The following PTPRA variants were observed in gnomAD, a reference collection of about 807,000 sequenced individuals.
PTPRA encodes the protein protein tyrosine phosphatase receptor type A.
In PTPRA, 25 loss-of-function variants were observed where a neutral mutation model predicts 104.8. The ratio of observed to expected loss-of-function variants is 0.24; its 90% CI spans 0.17 to 0.33. The LOEUF is 0.33. Ranked by LOEUF, PTPRA falls within the 10% of genes least tolerant of loss-of-function variation. The pLI is 1.00. For synonymous variants in PTPRA, 323 were observed against 368.9 expected (o/e 0.88, Z 1.43); for missense variants, 765 against 1,015.3 (o/e 0.75, Z 3.35).
At chr20:2,864,685 T>C in the PTPRA span, 1 of 1,606,222 alleles carries the variant, frequency 6.2e-7, no homozygotes, top group Admixed American at 1.7e-5. The surrounding 1 kb of genome is among the most constrained non-coding windows in gnomAD (Gnocchi z 5.2). Context: ...GTGGGGCGTG[T>C]GGGGCATGTG....
chr20:3,011,800 G>T (rs911143), intron 11 of PTPRA, among the ~76,000 whole-genome samples: 85,976 of 151,964 alleles, frequency 0.57, 24,982 homozygotes, highest in East Asian at 0.8. Context: ...ACAAAACCTG[G>T]GGAAGAGCCA....
In PTPRA at chr20:3,022,254, C is replaced by G. The variant is rs1359683345; in HGVS notation, c.1328+34C>G. 3 of 1,608,336 alleles carry G rather than the reference C, an allele frequency of 1.9e-6. No homozygotes were observed. Among genetic ancestry groups the G allele is most frequent in the Non-Finnish European group, 2.6e-6 (3 of 1,176,116 alleles). On this transcript the variant is annotated intron_variant, in intron 15 of 23. Transcript: ENST00000399903. This position sits in a 1 kb window ranked among gnomAD's most constrained non-coding sequence, Gnocchi z 4.6. ...GGCCTGACCCTTGTACCCCCACCCC[C>G]ACATTTCGCCCCCATGGCCAGAGCA...
At position 3,037,740 on chromosome 20, in the gene PTPRA, G is replaced by A. The variant is rs1375416365; in HGVS notation, c.2335-319G>A. On this transcript the variant is annotated intron_variant, in intron 23 of 23. Transcript: ENST00000399903. The surrounding 1 kb of genome is among the most constrained non-coding windows in gnomAD (Gnocchi z 4.3). ...GGGAGACGAGGTTCTGAGAGCCAGG[G>A]TGCATGCTAGCCTGGCAGCCATGGT... Among the ~76,000 whole-genome samples the A allele has an allele frequency of 6.6e-6, 1 of 152,182 alleles. No individual in the cohort carries two copies. Among genetic ancestry groups the A allele is most frequent in the Non-Finnish European group, 1.5e-5 (1 of 68,036 alleles).
chr20:2,864,522 A>G, the PTPRA span: 2 of 1,614,072 alleles, frequency 1.2e-6, no homozygotes, highest in African/African-American at 2.7e-5. This position sits in a 1 kb window ranked among gnomAD's most constrained non-coding sequence, Gnocchi z 5.2. Flanking sequence ...GGCCTTGCTG[A>G]CTGATTGCCT....
chr20:3,002,251 G>C (rs946551961), intron 9 of PTPRA, among the ~76,000 whole-genome samples: 1 of 150,640 alleles, frequency 6.6e-6, no homozygotes, highest in Admixed American at 6.6e-5. Flanking sequence ...AGACAGAAAC[G>C]TTCATTCTTC....
chr20:2,937,315 AG>A (rs2147600534), intron 2 of PTPRA, among the ~76,000 whole-genome samples: 1 of 151,794 alleles, frequency 6.6e-6, no homozygotes, highest in South Asian at 2.1e-4. Flanking sequence ...AGTAGAGATG[AG>A]GTTTCACCAT....
intron 1 of PTPRA, among the ~76,000 whole-genome samples, chr20:2,892,289 C>CAAAAAAAA (rs34741114): frequency 1.2e-5 from 1 of 80,572 alleles, no homozygotes. Context: ...GACTCTGTCT[C>CAAAAAAAA]AAAAAAAAAA....
intron 6 of PTPRA, among the ~76,000 whole-genome samples, chr20:2,979,735 A>C (rs982919658): frequency 6.6e-5 from 10 of 152,080 alleles, no homozygotes; most frequent in African/African-American, 2.4e-4. Flanking sequence ...AGACTACCAG[A>C]GTCTCGCTAA....
At chr20:2,910,578 G>GTTTCTTTTTTTTTTTTTTTTTTTTTTT (rs1337126801) in intron 1 of PTPRA, among the ~76,000 whole-genome samples, 2 of 32,428 alleles carry the variant, frequency 6.2e-5, no homozygotes, top group Non-Finnish European at 1.0e-4. Context: ...TGCCCAGCTA[G>GTTTCTTTTTTTTTTTTTTTTTTTTTTT]TTTTTTTTTT....
At chr20:2,891,567 G>A (rs1206587000) in intron 1 of PTPRA, among the ~76,000 whole-genome samples, 2 of 152,158 alleles carry the variant, frequency 1.3e-5, no homozygotes, top group Non-Finnish European at 2.9e-5. Flanking sequence ...GTCTGACCCA[G>A]TGTAGATTCT....
At chr20:2,870,514 C>A (rs1401376107), upstream of PTPRA, among the ~76,000 whole-genome samples, 7 of 152,158 alleles carry the variant, frequency 4.6e-5, no homozygotes, top group Admixed American at 4.6e-4. Flanking sequence ...TGTTTATTGT[C>A]TGTGTTCCTA....
chr20:3,009,508 C>T (rs1279451928), intron 11 of PTPRA, among the ~76,000 whole-genome samples: 1 of 151,906 alleles, frequency 6.6e-6, no homozygotes, highest in East Asian at 1.9e-4. Flanking sequence ...AGGTTGTGTC[C>T]AAAAAATAGG....
At chr20:2,868,804 T>C (rs1356011157), upstream of PTPRA, among the ~76,000 whole-genome samples, 6 of 152,026 alleles carry the variant, frequency 3.9e-5, no homozygotes, top group African/African-American at 1.4e-4. Flanking sequence ...CCAGTGCTTT[T>C]AGAATGTACA....
At position 2,893,868 on chromosome 20, in the gene PTPRA, G is replaced by GAT. The variant is rs375078464; in HGVS notation, c.-129+20120_-129+20121dup. On this transcript the variant is annotated intron_variant, in intron 1 of 23. Coordinates refer to ENST00000399903, the MANE Select transcript of PTPRA (RefSeq NM_001385305.1). ...CAGATATATTGCCTACAAAGATTTT[G>GAT]ATATATATATATACAGTAGACTATA... is the stretch of plus-strand genomic sequence containing the variant. Among the ~76,000 whole-genome samples, 99 of 150,922 alleles carry GAT rather than the reference G, an allele frequency of 6.6e-4. No homozygotes were observed. The East Asian group carries it at 9.3e-3, about 14-fold the overall frequency.
intron 1 of PTPRA, among the ~76,000 whole-genome samples, chr20:2,910,008 TATC>T (rs1350859339): frequency 7.3e-5 from 4 of 54,482 alleles, no homozygotes; most frequent in East Asian, 9.2e-4. Flanking sequence ...ATCTATCATA[TATC>T]ATATATAATC....
chr20:2,999,990 T>G (rs529343611), intron 9 of PTPRA, among the ~76,000 whole-genome samples: 2 of 152,008 alleles, frequency 1.3e-5, no homozygotes, highest in South Asian at 4.2e-4. Context: ...TACAAATTGT[T>G]AAGAAAATAA....
At position 2,965,060 on chromosome 20, in the gene PTPRA, A is replaced by G. The variant is rs1227847490; in HGVS notation, c.273A>G (p.Thr91=). 3.1e-6 allele frequency: 5 copies of G among 1,614,002 alleles called. No individual in the cohort carries two copies. The South Asian group carries it at 5.5e-5, about 18-fold the overall frequency. Residue 91 remains threonine, a synonymous_variant, in exon 5 of 24, where the codon ACA becomes ACG. Transcript: ENST00000399903. ...SSDSDNGTTR[T]ASTNSIGITI... ...ACTCTGACAATGGGACCACAAGAAC[A>G]GCAAGCACCAATTCTATAGGCATTA...
chr20:2,953,742 G>T (rs983745769), intron 3 of PTPRA, among the ~76,000 whole-genome samples: 8 of 150,786 alleles, frequency 5.3e-5, no homozygotes, highest in African/African-American at 2.0e-4. Flanking sequence ...CAAGTGGCTG[G>T]GACTACAGGC....
intron 3 of PTPRA, among the ~76,000 whole-genome samples, chr20:2,952,891 T>C (rs1374065542): frequency 1.3e-5 from 2 of 152,210 alleles, no homozygotes; most frequent in Admixed American, 6.6e-5. Context: ...TGTCAGAATT[T>C]CCTTCCTTTT....
Sources: allele counts gnomAD v4.1 joint callset (sites outside exome capture counted in the v4.1 genomes callset), GRCh38; gene constraint gnomAD v4.1.1; non-coding constraint Gnocchi (gnomAD v3.1); transcripts MANE v1.5; gene names NCBI Gene and HGNC (gene_info 2026-07-23, HGNC 2026-07-21).